The following RAB32 variants were observed in gnomAD, a reference collection of about 807,000 sequenced individuals.
RAB32 encodes the protein RAB32, member RAS oncogene family, also known as ras-related protein Rab-32.
RAB32 carries 17 observed loss-of-function variants against 17.5 expected under a neutral mutation model. That is an observed-to-expected ratio of 0.97 (90% CI 0.67 to 1.46). RAB32 has a LOEUF of 1.46. RAB32 is among the 40% of genes most tolerant of loss of function. RAB32 has a pLI of 0.00. For missense variants in RAB32, 288 were observed against 284.3 expected (o/e 1.01, Z -0.09); for synonymous variants, 115 against 111.1 (o/e 1.04, Z -0.22).
intron 1 of RAB32, 53 bp downstream of exon 1, chr6:146,544,174 CCT>C (rs1296195209): frequency 1.3e-6 from 2 of 1,536,932 alleles, no homozygotes; most frequent in Admixed American, 2.0e-5. Context: ...CCGCCTGGCT[CCT>C]CTCTGCTTCT....
intron 2 of RAB32, among the ~76,000 whole-genome samples, chr6:146,553,788 G>A (rs1452732141): frequency 1.3e-5 from 2 of 152,092 alleles, no homozygotes; most frequent in Non-Finnish European, 1.5e-5. Context: ...CAATGTTTTT[G>A]TAAATCCAAA....
rs766927883 is a variant in RAB32, at chr6:146,554,668, C to G, written c.*63C>G. The G allele has an allele frequency of 2.0e-6, 3 of 1,533,478 alleles. No individual in the cohort carries two copies. In the Admixed American group the frequency reaches 6.2e-5, roughly 32 times the overall value. The allele number at this position is 1,533,478 out of a possible 1,614,324, so 95.0% of individuals were successfully genotyped here. On this transcript the variant is annotated 3_prime_UTR_variant, in exon 3 of 3. Coordinates refer to ENST00000367495, the MANE Select transcript of RAB32 (RefSeq NM_006834.5). ...TGAAGAAGTTCCTGAGAATGGGTTA[C>G]AGATGTCATGTTAGCTGGGAGTCTT...
In RAB32 at chr6:146,543,892, G is replaced by C. The variant is rs1224492586; in HGVS notation, c.21G>C (p.Gly7=). ...CGCTCATGGCGGGCGGAGGAGCCGGGGACCCCGGCCTGGGGGCGGCCGCCG... is the reference window on the plus strand; with the variant it reads ...CGCTCATGGCGGGCGGAGGAGCCGGCGACCCCGGCCTGGGGGCGGCCGCCG... MAGGGA[G]DPGLGAAAAP... Residue 7 remains glycine (G), a synonymous_variant, in exon 1 of 3, where the codon GGG becomes GGC. Coordinates refer to ENST00000367495, the MANE Select transcript of RAB32 (RefSeq NM_006834.5). 6.5e-7 allele frequency: 1 copy of C among 1,531,238 alleles called. No homozygotes were observed. The highest frequency in any genetic ancestry group is 1.4e-5 in the African/African-American group (1 of 71,282). 94.9% of individuals were successfully genotyped at this position (1,531,238 alleles called of 1,614,324 possible).
At chr6:146,545,274 A>C (rs1195114241) in intron 1 of RAB32, among the ~76,000 whole-genome samples, 1 of 136,786 alleles carries the variant, frequency 7.3e-6, no homozygotes. Context: ...CTATCTCAGA[A>C]AAAAAAAAAA....
chr6:146,544,726 C>G (rs963126865), intron 1 of RAB32, among the ~76,000 whole-genome samples: 1 of 151,620 alleles, frequency 6.6e-6, no homozygotes, highest in Non-Finnish European at 1.5e-5. Flanking sequence ...TCACCCCTTC[C>G]TCTCTTGCTA....
At chr6:146,552,606 A>G (rs1268169876) in intron 2 of RAB32, among the ~76,000 whole-genome samples, 2 of 152,180 alleles carry the variant, frequency 1.3e-5, no homozygotes, top group East Asian at 3.8e-4. Context: ...GTACACACAC[A>G]TATGTGTAAA....
chr6:146,544,270 G>A, intron 1 of RAB32, 149 bp downstream of exon 1: 1 of 1,131,924 alleles, frequency 8.8e-7, no homozygotes, highest in African/African-American at 1.6e-5. Context: ...GAGATGCGAT[G>A]GACGCGGTCG....
At chr6:146,546,585 T>G (rs1779823970) in intron 1 of RAB32, among the ~76,000 whole-genome samples, 1 of 152,134 alleles carries the variant, frequency 6.6e-6, no homozygotes, top group African/African-American at 2.4e-5. Flanking sequence ...TTGAATTAAG[T>G]AATGATGATG....
In RAB32 at chr6:146,549,473, G is replaced by T. The variant is rs768672369; in HGVS notation, c.260G>T (p.Arg87Leu). ...LQLWDIAGQE[R>L]FGNMTRVYYK... Reference sequence around the variant, plus strand: ...TTATATTTATGTCTAGGGCAGGAGCGATTTGGCAACATGACCCGAGTATAC... The same window carrying T: ...TTATATTTATGTCTAGGGCAGGAGCTATTTGGCAACATGACCCGAGTATAC... Residue 87 changes from arginine (R) to leucine (L), a missense_variant, in exon 2 of 3, where the codon CGA becomes CTA. Arg to Leu is a moderately radical substitution (Grantham distance 102). Coordinates refer to ENST00000367495, the MANE Select transcript of RAB32 (RefSeq NM_006834.5). The T allele has an allele frequency of 6.2e-7, 1 of 1,613,452 alleles. No individual in the cohort carries two copies. Among genetic ancestry groups the T allele is most frequent in the Non-Finnish European group, 8.5e-7 (1 of 1,179,574 alleles).
In RAB32 at chr6:146,550,683, G is replaced by A. The variant is rs77310623; in HGVS notation, c.528+942G>A. Among the ~76,000 whole-genome samples, 233 of 137,024 alleles carry A rather than the reference G, an allele frequency of 1.7e-3. 8 individuals carry two copies. The East Asian group carries it at 0.045, about 27-fold the overall frequency. 89.9% of individuals were successfully genotyped at this position (137,024 alleles called of 152,430 possible). A position where few individuals can be genotyped will look rare whatever the true frequency, so the allele number is the denominator to read the frequency against. On this transcript the variant is annotated intron_variant, in intron 2 of 2. Coordinates refer to ENST00000367495, the MANE Select transcript of RAB32 (RefSeq NM_006834.5). ...AAAAAAAAAAAATCTTAATAGTCTA[G>A]ATATAGAAAAAAGGTGAAAATTATA...
intron 1 of RAB32, among the ~76,000 whole-genome samples, chr6:146,549,039 T>C (rs956624797): frequency 6.6e-6 from 1 of 152,220 alleles, no homozygotes; most frequent in African/African-American, 2.4e-5. Flanking sequence ...CTAATCTATT[T>C]GACTAGCATG....
intron 1 of RAB32, among the ~76,000 whole-genome samples, chr6:146,546,076 T>G (rs1337690256): frequency 6.6e-6 from 1 of 152,174 alleles, no homozygotes; most frequent in Non-Finnish European, 1.5e-5. Context: ...TCACCTCTTC[T>G]TTTTTTATTA....
chr6:146,546,125 T>G (rs1779816153), intron 1 of RAB32, among the ~76,000 whole-genome samples: 1 of 152,152 alleles, frequency 6.6e-6, no homozygotes, highest in South Asian at 2.1e-4. Flanking sequence ...TCATATCTAG[T>G]TTTTTATCAG....
chr6:146,553,429 G>C (rs778993921), intron 2 of RAB32, among the ~76,000 whole-genome samples: 8 of 152,054 alleles, frequency 5.3e-5, no homozygotes, highest in Non-Finnish European at 1.0e-4. Flanking sequence ...TTTTATTTCT[G>C]CCAAAAATAC....
chr6:146,549,446 TC>T lies in RAB32; in HGVS notation c.251-17del, dbSNP rs769675716. 6.3e-6 allele frequency: 10 copies of T among 1,594,720 alleles called. No homozygotes were observed. In the Admixed American group the frequency reaches 1.2e-4, roughly 20 times the overall value. On this transcript the variant is annotated splice_polypyrimidine_tract_variant and intron_variant, in intron 1 of 2. Transcript: ENST00000367495. ...TCTGAATTACAAGTTTTTAATTTTT[TC>T]TTATATTTATGTCTAGGGCAGGAGC...
At chr6:146,552,186 G>A (rs934877993) in intron 2 of RAB32, among the ~76,000 whole-genome samples, 7 of 152,084 alleles carry the variant, frequency 4.6e-5, no homozygotes, top group Non-Finnish European at 1.0e-4. Context: ...TAACATATGG[G>A]AATTACATTA....
In RAB32 at chr6:146,544,011, A is replaced by G; in HGVS notation, c.140A>G (p.His47Arg). ...ACCAGCATCATCAAGCGCTACGTCCACCAGCTCTTCTCCCAGCACTACCGG... is the reference window on the plus strand; with the variant it reads ...ACCAGCATCATCAAGCGCTACGTCCGCCAGCTCTTCTCCCAGCACTACCGG... Reference protein sequence around the residue: ...GKTSIIKRYVHQLFSQHYRAT... With the variant: ...GKTSIIKRYVRQLFSQHYRAT... The change falls in exon 1 of 3, where the codon CAC becomes CGC. Residue 47 changes from histidine (H) to arginine (R), a missense_variant. Physicochemically the swap from His to Arg is conservative, Grantham distance 29. Transcript: ENST00000367495. The G allele has an allele frequency of 1.2e-6, 2 of 1,613,870 alleles. No individual in the cohort carries two copies. The highest frequency in any genetic ancestry group is 1.7e-6 in the Non-Finnish European group (2 of 1,179,920).
chr6:146,551,425 G>T (rs1221640325), intron 2 of RAB32, among the ~76,000 whole-genome samples: 1 of 151,950 alleles, frequency 6.6e-6, no homozygotes, highest in Non-Finnish European at 1.5e-5. Context: ...GAATTTTGCC[G>T]TGTTGCCCAG....
chr6:146,548,736 A>G (rs1339707481), intron 1 of RAB32, among the ~76,000 whole-genome samples: 2 of 152,212 alleles, frequency 1.3e-5, no homozygotes, highest in African/African-American at 4.8e-5. Flanking sequence ...AGATTAGTAC[A>G]ATAGCAGATA....
Sources: allele counts gnomAD v4.1 joint callset (sites outside exome capture counted in the v4.1 genomes callset), GRCh38; gene constraint gnomAD v4.1.1; transcripts MANE v1.5; gene names NCBI Gene and HGNC (gene_info 2026-07-23, HGNC 2026-07-21).